The following CSMD1 variants were observed in gnomAD, a reference collection of about 807,000 sequenced individuals.
CSMD1 encodes the protein CUB and sushi domain-containing protein 1.
Under a neutral mutation model 417.5 loss-of-function variants are expected in CSMD1, and 213 were observed. That is an observed-to-expected ratio of 0.51 (90% CI 0.46 to 0.57). The LOEUF (loss-of-function observed/expected upper bound fraction) is 0.57. CSMD1 is among the 20% of genes least tolerant of loss of function. The pLI, the probability that CSMD1 is intolerant of heterozygous loss-of-function variation, is 0.00. For synonymous variants in CSMD1, 2,862 were observed against 1,736.8 expected (o/e 1.65, Z -16.11); for missense variants, 6,923 against 4,529.7 (o/e 1.53, Z -15.17).
At chr8:3,824,525 G>T (rs1024618865) in intron 5 of CSMD1, among the ~76,000 whole-genome samples, 1 of 152,148 alleles carries the variant, frequency 6.6e-6, no homozygotes, top group Non-Finnish European at 1.5e-5. Flanking sequence ...CACTTAAAGC[G>T]TGATGAGTCT....
intron 32 of CSMD1, among the ~76,000 whole-genome samples, 156 bp downstream of exon 32, chr8:3,201,456 C>G (rs907949199): frequency 4.6e-5 from 7 of 152,078 alleles, no homozygotes; most frequent in African/African-American, 1.4e-4. Flanking sequence ...CTTTTGAGAT[C>G]TTATATCTAA....
chr8:3,110,109 G>C (rs898511), intron 43 of CSMD1, 49 bp downstream of exon 43: 226,323 of 1,461,714 alleles, frequency 0.15, 18,103 homozygotes, highest in African/African-American at 0.21. Flanking sequence ...TGCTAAGTCA[G>C]AATTGTTGAT....
chr8:3,010,394 C>A (rs1434583962), intron 52 of CSMD1, among the ~76,000 whole-genome samples: 6 of 152,190 alleles, frequency 3.9e-5, no homozygotes, highest in Admixed American at 1.3e-4. Flanking sequence ...AGCTCAAAAC[C>A]TGCCCTAGAG....
rs1363541419 is a variant in CSMD1 at position 4,389,676 on chromosome 8, A to G, written c.415+30277T>C. On this transcript the variant is annotated intron_variant, in intron 3 of 69. Transcript: ENST00000635120. ...TCCCTAAACTCCACCTTTATTTTTA[A>G]TTTGGGGTAAACACATTCTAAGATT... Among the ~76,000 whole-genome samples the G allele has an allele frequency of 2.6e-5, 4 of 152,114 alleles. No homozygotes were observed. In the East Asian group the frequency reaches 7.7e-4, roughly 29 times the overall value.
intron 3 of CSMD1, among the ~76,000 whole-genome samples, chr8:4,253,014 A>C (rs1243759420): frequency 6.6e-6 from 1 of 152,218 alleles, no homozygotes; most frequent in Non-Finnish European, 1.5e-5. Context: ...GATTATCGGT[A>C]CCAGCAGCTG....
At chr8:4,295,752 A>T (rs10091579) in intron 3 of CSMD1, among the ~76,000 whole-genome samples, 3 of 124,752 alleles carry the variant, frequency 2.4e-5, no homozygotes, top group Non-Finnish European at 3.3e-5. Context: ...GTGTGTGTGT[A>T]TATATATATA....
chr8:4,442,017 G>C (rs904318790), intron 2 of CSMD1, among the ~76,000 whole-genome samples: 1 of 152,184 alleles, frequency 6.6e-6, no homozygotes, highest in East Asian at 1.9e-4. Flanking sequence ...TCATTTCTAT[G>C]TCCCCCCGCT....
intron 7 of CSMD1, among the ~76,000 whole-genome samples, chr8:3,698,010 G>C (rs988312613): frequency 2.0e-5 from 3 of 151,916 alleles, no homozygotes; most frequent in African/African-American, 7.3e-5. Flanking sequence ...AATCCAATCA[G>C]GCTATACATT....
At chr8:3,803,397 G>A (rs1322085970) in intron 5 of CSMD1, among the ~76,000 whole-genome samples, 1 of 152,172 alleles carries the variant, frequency 6.6e-6, no homozygotes, top group South Asian at 2.1e-4. Context: ...CGCTGGAGAG[G>A]AAACAGGTAG....
At chr8:4,221,187 T>C (rs1801009732) in intron 3 of CSMD1, among the ~76,000 whole-genome samples, 1 of 152,202 alleles carries the variant, frequency 6.6e-6, no homozygotes. Context: ...CATTTCAATC[T>C]GGCTTTAGTC....
chr8:3,259,368 C>G (rs567014089), intron 26 of CSMD1, among the ~76,000 whole-genome samples: 3 of 152,294 alleles, frequency 2.0e-5, no homozygotes, highest in South Asian at 2.1e-4. Context: ...GCTTAGCTCT[C>G]AGCATGGAGG....
intron 5 of CSMD1, among the ~76,000 whole-genome samples, chr8:3,820,714 T>A (rs1359400311): frequency 6.6e-6 from 1 of 152,128 alleles, no homozygotes; most frequent in Admixed American, 6.5e-5. Flanking sequence ...TAGCTGGGAC[T>A]ACAGGCATGC....
intron 11 of CSMD1, among the ~76,000 whole-genome samples, chr8:3,485,565 G>GGA (rs1303795708): frequency 2.6e-5 from 3 of 116,586 alleles, no homozygotes; most frequent in Admixed American, 8.7e-5. Context: ...AGAGAGAGAG[G>GGA]GAGAGAGAGA....
chr8:4,089,082 T>C (rs932249626), intron 3 of CSMD1, among the ~76,000 whole-genome samples: 20 of 152,338 alleles, frequency 1.3e-4, no homozygotes, highest in African/African-American at 4.6e-4. Context: ...TGACAAATAG[T>C]ACCATGTAGG....
Position 2,954,214 on chromosome 8 carries a change from G to C in CSMD1, c.10039+10C>G. On this transcript the variant is annotated intron_variant, in intron 65 of 69. Transcript: ENST00000635120. ...TGGATTGAAATCTAGAACTGTTCTG[G>C]TATACAAACCTGGAGTTTTAGTAAC... The C allele has an allele frequency of 6.8e-7, 1 of 1,468,278 alleles. No homozygotes were observed. Among genetic ancestry groups the C allele is most frequent in the East Asian group, 2.5e-5 (1 of 40,080 alleles). 91.0% of individuals were successfully genotyped at this position (1,468,278 alleles called of 1,614,324 possible). A position where few individuals can be genotyped will look rare whatever the true frequency, so the allele number is the denominator to read the frequency against.
rs1563163139 is a variant in CSMD1, at chr8:2,937,454, A to AAAAAAAAAAAAAAAAC, written c.*1130_*1131insGTTTTTTTTTTTTTTT. On this transcript the variant is annotated 3_prime_UTR_variant, in exon 70 of 70. Coordinates refer to ENST00000635120, the MANE Select transcript of CSMD1 (RefSeq NM_033225.6). Reference sequence around the variant, plus strand: ...GTAAAAGACAAAAAAAAAAAAAAACAAAAAAAAAACACTGCAAAAGGGAAG... The same window carrying AAAAAAAAAAAAAAAAC: ...GTAAAAGACAAAAAAAAAAAAAAACAAAAAAAAAAAAAAAACAAAAAAAAACACTGCAAAAGGGAAG... The AAAAAAAAAAAAAAAAC allele has an allele frequency of 2.9e-5, 2 of 69,742 alleles. No homozygotes were observed. Among genetic ancestry groups the AAAAAAAAAAAAAAAAC allele is most frequent in the African/African-American group, 5.6e-5 (1 of 17,844 alleles). The allele number at this position is 69,742 out of a possible 1,614,324, so 4.3% of individuals were successfully genotyped here.
chr8:3,363,388 G>C (rs554858119), intron 20 of CSMD1, among the ~76,000 whole-genome samples: 1 of 152,102 alleles, frequency 6.6e-6, no homozygotes, highest in Non-Finnish European at 1.5e-5. Context: ...TCATGGAAAC[G>C]TTTTTCTCCT....
At chr8:4,294,426 G>C (rs901861866) in intron 3 of CSMD1, among the ~76,000 whole-genome samples, 5 of 152,106 alleles carry the variant, frequency 3.3e-5, no homozygotes, top group Admixed American at 6.6e-5. Flanking sequence ...ATGTTTATCA[G>C]ACACTTCAAT....
At chr8:3,973,154 T>G (rs1050057842) in intron 5 of CSMD1, among the ~76,000 whole-genome samples, 26 of 152,364 alleles carry the variant, frequency 1.7e-4, no homozygotes, top group African/African-American at 6.3e-4. Context: ...AACGAATCCA[T>G]GTTTTGTCTG....
Sources: allele counts gnomAD v4.1 joint callset (sites outside exome capture counted in the v4.1 genomes callset), GRCh38; gene constraint gnomAD v4.1.1; transcripts MANE v1.5; gene names NCBI Gene and HGNC (gene_info 2026-07-23, HGNC 2026-07-21).